The following MBD2 variants were observed in gnomAD, a reference collection of about 807,000 sequenced individuals.
MBD2 encodes the protein methyl-CpG-binding domain protein 2.
In MBD2, 9 loss-of-function variants were observed where a neutral mutation model predicts 39.3. The observed-to-expected ratio is 0.23, with a 90% CI of 0.14 to 0.40. The LOEUF is 0.40. MBD2 is among the 10% of genes least tolerant of loss of function. The pLI is 1.00. For synonymous variants in MBD2, 233 were observed against 211.1 expected (o/e 1.10, Z -0.90); for missense variants, 458 against 532.6 (o/e 0.86, Z 1.38).
At chr18:54,177,046 G>T (rs147827976) in intron 3 of MBD2, among the ~76,000 whole-genome samples, 136 of 152,298 alleles carry the variant, frequency 8.9e-4, no homozygotes, top group Non-Finnish European at 1.7e-3. Context: ...TCAAGTGCCT[G>T]AAAAGGTACA....
intron 2 of MBD2, chr18:54,202,693 AATTT>A (rs2086416739): frequency 6.0e-6 from 7 of 1,158,140 alleles, no homozygotes; most frequent in East Asian, 6.5e-5. Context: ...TGTACGGTAT[AATTT>A]ATTTATTTAA....
chr18:54,167,554 T>C (rs1404747908), intron 3 of MBD2, among the ~76,000 whole-genome samples: 1 of 152,210 alleles, frequency 6.6e-6, no homozygotes, highest in Non-Finnish European at 1.5e-5. Flanking sequence ...TGAGGGCTTT[T>C]GGGGCTTACA....
chr18:54,157,643 T>C (rs2086062765), intron 6 of MBD2, among the ~76,000 whole-genome samples: 1 of 152,142 alleles, frequency 6.6e-6, no homozygotes, highest in African/African-American at 2.4e-5. Context: ...AGACATTATA[T>C]GTATTATTGG....
chr18:54,207,009 T>C lies in MBD2; in HGVS notation c.543-1852A>G, dbSNP rs1352500515. ...CCACTTAGTGCTTTATTCTCCAAGCTAGAAGGCCACATCACAATCTTTCAG... is the reference window on the plus strand; with the variant it reads ...CCACTTAGTGCTTTATTCTCCAAGCCAGAAGGCCACATCACAATCTTTCAG... On this transcript the variant is annotated intron_variant, in intron 1 of 6. Transcript: ENST00000256429. Among the ~76,000 whole-genome samples the C allele has an allele frequency of 2.6e-5, 4 of 152,326 alleles. No individual in the cohort carries two copies. The East Asian group carries it at 7.7e-4, about 29-fold the overall frequency.
chr18:54,182,029 C>A (rs920284742), intron 3 of MBD2, among the ~76,000 whole-genome samples: 2 of 152,150 alleles, frequency 1.3e-5, no homozygotes, highest in East Asian at 3.9e-4. Context: ...ATTATCTATA[C>A]ATGTATTTGT....
chr18:54,172,630 T>C (rs9960390), intron 3 of MBD2, among the ~76,000 whole-genome samples: 15,100 of 152,156 alleles, frequency 0.099, 2,545 homozygotes, highest in African/African-American at 0.34. Context: ...TGTGTCTCTG[T>C]TGTGTTAAAA....
intron 1 of MBD2, among the ~76,000 whole-genome samples, chr18:54,208,435 C>A (rs1408741335): frequency 6.6e-6 from 1 of 151,862 alleles, no homozygotes; most frequent in Non-Finnish European, 1.5e-5. Flanking sequence ...GACGTTGCGG[C>A]AAGCCGAGAT....
At position 54,224,238 on chromosome 18, in the gene MBD2, C is replaced by T; in HGVS notation, c.322G>A (p.Gly108Ser). 1 of 1,004,400 alleles carries T rather than the reference C, an allele frequency of 1.0e-6. No individual in the cohort carries two copies. The highest frequency in any genetic ancestry group is 1.2e-6 in the Non-Finnish European group (1 of 843,596). The allele number at this position is 1,004,400 out of a possible 1,614,324, so 62.2% of individuals were successfully genotyped here. Reference sequence around the variant, plus strand: ...CTGCCGCCGCCGCCGCAGCCGCCGCCGTCGCCGCCAAGGCCGCTGCCGCCA... The same window carrying T: ...CTGCCGCCGCCGCCGCAGCCGCCGCTGTCGCCGCCAAGGCCGCTGCCGCCA... Reference protein sequence around the residue: ...PSGGSGLGGDGGGCGGGGSGG... With the variant: ...PSGGSGLGGDSGGCGGGGSGG... Residue 108 changes from glycine (G) to serine (S), a missense_variant, in exon 1 of 7, where the codon GGC becomes AGC. By Grantham distance (56) the Gly-to-Ser change is moderately conservative (BLOSUM62 0). This residue lies in a region of MBD2 where 269 missense variants were observed against 236.0 expected (regional missense o/e 1.14). Transcript: ENST00000256429.
chr18:54,192,066 T>C, intron 2 of MBD2, among the ~76,000 whole-genome samples: 1 of 152,192 alleles, frequency 6.6e-6, no homozygotes, highest in East Asian at 1.9e-4. Context: ...ACCTCTGATT[T>C]ATGACATCTC....
intron 3 of MBD2, among the ~76,000 whole-genome samples, chr18:54,170,530 A>C (rs1420507416): frequency 6.6e-6 from 1 of 152,164 alleles, no homozygotes; most frequent in Non-Finnish European, 1.5e-5. Context: ...TATTAATATT[A>C]CTCTAAGAGA....
chr18:54,179,030 A>T (rs1032932161), intron 3 of MBD2, among the ~76,000 whole-genome samples: 6 of 152,184 alleles, frequency 3.9e-5, no homozygotes, highest in Non-Finnish European at 7.4e-5. Flanking sequence ...AAGTAACAAA[A>T]TTTTTAAAAA....
chr18:54,188,894 T>C lies in MBD2; in HGVS notation c.820A>G (p.Met274Val). Residue 274 changes from methionine (M) to valine (V), a missense_variant, in exon 3 of 7, where the codon ATG becomes GTG. By Grantham distance (21) the Met-to-Val change is conservative (BLOSUM62 1). This residue lies in a region of MBD2 where 189 missense variants were observed against 296.6 expected (regional missense o/e 0.64). Coordinates refer to ENST00000256429, the MANE Select transcript of MBD2 (RefSeq NM_003927.5). Reference protein sequence around the residue: ...SNKVKSDPQRMNEQPRQLFWE... With the variant: ...SNKVKSDPQRVNEQPRQLFWE... Reference sequence around the variant, plus strand: ...CTTACCTGACGTGGCTGTTCATTCATTCGTTGTGGGTCTGATTTCACTTTA... The same window carrying C: ...CTTACCTGACGTGGCTGTTCATTCACTCGTTGTGGGTCTGATTTCACTTTA... The C allele has an allele frequency of 2.5e-6, 4 of 1,607,966 alleles. No individual in the cohort carries two copies. The highest frequency in any genetic ancestry group is 3.4e-6 in the Non-Finnish European group (4 of 1,176,118).
At chr18:54,182,099 T>C (rs948990130) in intron 3 of MBD2, among the ~76,000 whole-genome samples, 6 of 152,210 alleles carry the variant, frequency 3.9e-5, no homozygotes, top group African/African-American at 1.4e-4. Context: ...GGACTTTGTC[T>C]TGTTCACTGC....
chr18:54,196,855 G>C (rs1347389719), intron 2 of MBD2, among the ~76,000 whole-genome samples: 1 of 152,114 alleles, frequency 6.6e-6, no homozygotes, highest in African/African-American at 2.4e-5. Context: ...TCATCAGCAA[G>C]CCTATTTGCT....
rs11300205 is a variant in MBD2 at position 54,167,093 on chromosome 18, C to CA, written c.841-928dup. 2.3e-3 allele frequency among the ~76,000 whole-genome samples: 347 copies of CA among 151,498 alleles called. 3 individuals are homozygous for CA. The highest frequency in any genetic ancestry group is 7.8e-3 in the African/African-American group (322 of 41,310). ...TAGTCTGTTTCACATTTACTGCAGC[C>CA]AAAAAAAAACAGATAAAGGAATTCT... On this transcript the variant is annotated intron_variant, in intron 3 of 6. Coordinates refer to ENST00000256429, the MANE Select transcript of MBD2 (RefSeq NM_003927.5).
chr18:54,173,729 C>T (rs2086193351), intron 3 of MBD2, among the ~76,000 whole-genome samples: 1 of 152,148 alleles, frequency 6.6e-6, no homozygotes, highest in South Asian at 2.1e-4. Flanking sequence ...TAAGGCTCTC[C>T]ATGGTGGAGC....
chr18:54,171,722 A>G (rs995795530), intron 3 of MBD2, among the ~76,000 whole-genome samples: 2 of 152,234 alleles, frequency 1.3e-5, no homozygotes, highest in Admixed American at 6.5e-5. Flanking sequence ...ACTACCACTT[A>G]GCCATCAACA....
intron 2 of MBD2, among the ~76,000 whole-genome samples, chr18:54,190,507 G>A (rs1004867165): frequency 5.3e-5 from 8 of 152,176 alleles, no homozygotes; most frequent in South Asian, 4.1e-4. Context: ...GGCCACCCAC[G>A]ACCCTGAACT....
chr18:54,172,099 A>C (rs1486368938), intron 3 of MBD2, among the ~76,000 whole-genome samples: 1 of 152,238 alleles, frequency 6.6e-6, no homozygotes, highest in African/African-American at 2.4e-5. Context: ...TAAGTAATAG[A>C]TACTGTATAA....
Sources: gnomAD v4.1 joint callset for allele counts (sites outside exome capture counted in the v4.1 genomes callset) on GRCh38, gnomAD v4.1.1 for gene constraint, gnomAD v4.1.1 regional missense constraint, MANE v1.5 for transcripts, NCBI Gene and HGNC (gene_info 2026-07-23, HGNC 2026-07-21) for gene names.